TENM2: variants seen among roughly 807,000 people sequenced by gnomAD.
The protein encoded by TENM2 is teneurin-2.
A neutral mutation model predicts 245.2 loss-of-function variants in TENM2; 52 were observed. That is an observed-to-expected ratio of 0.21 (90% CI 0.17 to 0.27). TENM2 has a LOEUF of 0.27. Ranked by LOEUF, TENM2 falls within the 10% of genes least tolerant of loss-of-function variation. The pLI is 1.00. For missense variants in TENM2, 3,046 were observed against 3,666.8 expected (o/e 0.83, Z 4.37); for synonymous variants, 1,363 against 1,438.9 (o/e 0.95, Z 1.19).
At chr5:167,960,333 G>A (rs530626061) in intron 4 of TENM2, among the ~76,000 whole-genome samples, 12 of 152,320 alleles carry the variant, frequency 7.9e-5, no homozygotes, top group African/African-American at 1.7e-4. Flanking sequence ...CCAGGGAGAC[G>A]GGAGTTTTAT....
intron 24 of TENM2, among the ~76,000 whole-genome samples, chr5:168,227,045 C>T (rs759965687): frequency 6.6e-6 from 1 of 152,118 alleles, no homozygotes; most frequent in Non-Finnish European, 1.5e-5. Flanking sequence ...CTGCGTGTGA[C>T]GGCTGGAGTC....
At chr5:167,267,840 A>G in the TENM2 span, among the ~76,000 whole-genome samples, 2 of 152,136 alleles carry the variant, frequency 1.3e-5, no homozygotes, top group African/African-American at 2.4e-5. Flanking sequence ...AAAATTTTTT[A>G]TGGGGCTGTA....
the TENM2 span, among the ~76,000 whole-genome samples, chr5:167,082,982 C>T: frequency 2.6e-5 from 4 of 151,352 alleles, no homozygotes; most frequent in East Asian, 1.9e-4. Flanking sequence ...GCTGGAAAGA[C>T]GGTTGGGAAA....
At chr5:166,998,355 G>C in the TENM2 span, among the ~76,000 whole-genome samples, 1 of 152,134 alleles carries the variant, frequency 6.6e-6, no homozygotes, top group Admixed American at 6.5e-5. Context: ...AGGATTTTAA[G>C]CATAGGAATG....
the TENM2 span, among the ~76,000 whole-genome samples, chr5:167,130,447 T>G: frequency 8.7e-4 from 133 of 152,336 alleles, no homozygotes; most frequent in East Asian, 0.015. Context: ...GCAGGTACTC[T>G]TATGATTCTT....
At chr5:168,180,799 G>A (rs1265747998) in intron 13 of TENM2, among the ~76,000 whole-genome samples, 2 of 152,064 alleles carry the variant, frequency 1.3e-5, no homozygotes, top group African/African-American at 2.4e-5. Flanking sequence ...CTACTCAGGA[G>A]ACTAAGGCAG....
intron 1 of TENM2, among the ~76,000 whole-genome samples, chr5:167,286,544 T>C (rs561320411): frequency 7.9e-5 from 12 of 152,352 alleles, no homozygotes; most frequent in Admixed American, 7.8e-4. Context: ...GACACCTCTC[T>C]GTTGTTTCCC....
chr5:167,259,579 A>G, the TENM2 span, among the ~76,000 whole-genome samples: 12 of 152,312 alleles, frequency 7.9e-5, no homozygotes, highest in South Asian at 2.5e-3. Flanking sequence ...ACCTGCTTTA[A>G]TTGAATGTAA....
the TENM2 span, among the ~76,000 whole-genome samples, chr5:167,075,653 T>C: frequency 6.6e-6 from 1 of 152,198 alleles, no homozygotes; most frequent in African/African-American, 2.4e-5. Context: ...GTTGCCGTCA[T>C]GTGATAGGGC....
At chr5:167,086,933 A>G in the TENM2 span, among the ~76,000 whole-genome samples, 11 of 91,950 alleles carry the variant, frequency 1.2e-4, no homozygotes, top group East Asian at 1.1e-3. Context: ...ACACACGCAC[A>G]CACACACACA....
intron 2 of TENM2, among the ~76,000 whole-genome samples, chr5:167,507,743 T>C (rs1316776482): frequency 6.6e-6 from 1 of 152,184 alleles, no homozygotes; most frequent in East Asian, 1.9e-4. Context: ...GGTTGCTGTG[T>C]ATGGGTTAGT....
intron 2 of TENM2, among the ~76,000 whole-genome samples, chr5:167,645,938 C>T (rs1250085539): frequency 6.6e-6 from 1 of 151,462 alleles, no homozygotes; most frequent in Non-Finnish European, 1.5e-5. Flanking sequence ...TTTTAAACTA[C>T]ACTTGTGCTA....
rs187320737 is a variant in TENM2, at chr5:168,223,615, C to T, written c.5109-2473C>T. 2.0e-4 allele frequency among the ~76,000 whole-genome samples: 30 copies of T among 152,004 alleles called. 1 individual carries two copies. In the South Asian group the frequency reaches 5.0e-3, roughly 25 times the overall value. Reference sequence around the variant, plus strand: ...CCCGAGCACTGGGACTACAGGCACACGGCACTGCGCCCAGCTAATTTTTGT... The same window carrying T: ...CCCGAGCACTGGGACTACAGGCACATGGCACTGCGCCCAGCTAATTTTTGT... On this transcript the variant is annotated intron_variant, in intron 23 of 28. Coordinates refer to ENST00000518659, the Ensembl canonical transcript of TENM2.
At chr5:167,524,514 A>G (rs1015597690) in intron 2 of TENM2, among the ~76,000 whole-genome samples, 2 of 152,036 alleles carry the variant, frequency 1.3e-5, no homozygotes, top group Admixed American at 6.6e-5. Flanking sequence ...TCAAAATGTA[A>G]TGTGTGTACC....
the TENM2 span, among the ~76,000 whole-genome samples, chr5:167,146,110 A>T: frequency 6.6e-6 from 1 of 152,112 alleles, no homozygotes; most frequent in Non-Finnish European, 1.5e-5. Context: ...ACAATTTGTC[A>T]GTGTACTTGG....
At chr5:167,153,706 G>C in the TENM2 span, among the ~76,000 whole-genome samples, 1 of 150,492 alleles carries the variant, frequency 6.6e-6, no homozygotes, top group Non-Finnish European at 1.5e-5. Context: ...CATATATCCA[G>C]ATCATTTGGC....
At chr5:168,120,159 AT>A (rs1795368828) in intron 10 of TENM2, among the ~76,000 whole-genome samples, 1 of 152,094 alleles carries the variant, frequency 6.6e-6, no homozygotes, top group Admixed American at 6.6e-5. Context: ...TTCCTCTAAG[AT>A]TTTTCAATAT....
chr5:167,044,238 T>A, the TENM2 span, among the ~76,000 whole-genome samples: 4 of 152,026 alleles, frequency 2.6e-5, no homozygotes, highest in Non-Finnish European at 4.4e-5. Flanking sequence ...ATCTGGCAGA[T>A]TGAGGAGCTA....
rs764920976 is a variant in TENM2, at chr5:168,139,540, G to A, written c.2422+12574G>A. The A allele has an allele frequency of 1.1e-4, 51 of 456,444 alleles. 1 individual carries two copies. Among genetic ancestry groups the A allele is most frequent in the South Asian group, 3.4e-4 (22 of 64,548 alleles). The allele number at this position is 456,444 out of a possible 1,614,324, so 28.3% of individuals were successfully genotyped here. A position where few individuals can be genotyped will look rare whatever the true frequency, so the allele number is the denominator to read the frequency against. On this transcript the variant is annotated intron_variant, in intron 12 of 28. Transcript: ENST00000518659. ...CCAGTTCTCTTCCCATTTCCCCTTG[G>A]TAGGAGGTGGTTGGGCAGGCCTTTC...
Sources: allele counts gnomAD v4.1 joint callset (sites outside exome capture counted in the v4.1 genomes callset), GRCh38; gene constraint gnomAD v4.1.1; transcripts MANE v1.5; gene names NCBI Gene and HGNC (gene_info 2026-07-23, HGNC 2026-07-21).